Variants in PRPSAP1 observed in about 807,000 individuals in gnomAD.
PRPSAP1 encodes the protein phosphoribosyl pyrophosphate synthetase associated protein 1.
Under a neutral mutation model 39.4 loss-of-function variants are expected in PRPSAP1, and 31 were observed. That is an observed-to-expected ratio of 0.79 (90% CI 0.59 to 1.06). The LOEUF (loss-of-function observed/expected upper bound fraction) is 1.06. Ranked by LOEUF, PRPSAP1 falls within the 50% of genes least tolerant of loss-of-function variation. The probability of loss-of-function intolerance (pLI) is 0.00; values close to 1 mark genes in which losing one functional copy is unlikely to be tolerated. For synonymous variants in PRPSAP1, 212 were observed against 192.6 expected (o/e 1.10, Z -0.83); for missense variants, 430 against 511.6 (o/e 0.84, Z 1.54).
chr17:76,310,980 G>T lies in PRPSAP1; in HGVS notation c.*562C>A, dbSNP rs2071065185. On this transcript the variant is annotated 3_prime_UTR_variant, in exon 10 of 10. Coordinates refer to ENST00000446526, the MANE Select transcript of PRPSAP1 (RefSeq NM_002766.3). ...AACTTCAGAGCCACTCAGATACCCA[G>T]AGGTGGGATGCTATTTTCTAATCTG... The T allele has an allele frequency of 6.6e-6, 1 of 152,190 alleles. No homozygotes were observed. Among genetic ancestry groups the T allele is most frequent in the Non-Finnish European group, 1.5e-5 (1 of 68,050 alleles). The allele number at this position is 152,190 out of a possible 1,614,324, so 9.4% of individuals were successfully genotyped here.
intron 7 of PRPSAP1, among the ~76,000 whole-genome samples, chr17:76,326,253 T>C (rs1477140615): frequency 2.0e-5 from 3 of 152,112 alleles, no homozygotes; most frequent in African/African-American, 4.8e-5. Context: ...GAAGGAATGA[T>C]AGAGTTAGAA....
intron 3 of PRPSAP1, among the ~76,000 whole-genome samples, chr17:76,339,974 A>C (rs1312863276): frequency 6.6e-6 from 1 of 151,502 alleles, no homozygotes; most frequent in East Asian, 1.9e-4. Flanking sequence ...TCTACTAAAA[A>C]TACAAAATTA....
At chr17:76,328,567 C>T (rs2071278620) in intron 7 of PRPSAP1, 150 bp downstream of exon 7, 1 of 1,004,828 alleles carries the variant, frequency 1.0e-6, no homozygotes, top group East Asian at 2.7e-5. Context: ...CAAGATCACG[C>T]CACTGCACTC....
rs2071546391 is a variant in PRPSAP1 at position 76,349,643 on chromosome 17, C to A, written c.171-1062G>T. Among the ~76,000 whole-genome samples, 5 of 151,118 alleles carry A rather than the reference C, an allele frequency of 3.3e-5. No homozygotes were observed. In the South Asian group the frequency reaches 1.0e-3, roughly 32 times the overall value. Reference sequence around the variant, plus strand: ...GGGTGTGGTGGCGAGCGTCTATAATCCCAGCTACTCAGGAGGCTGAGACAG... The same window carrying A: ...GGGTGTGGTGGCGAGCGTCTATAATACCAGCTACTCAGGAGGCTGAGACAG... On this transcript the variant is annotated intron_variant, in intron 1 of 9. Coordinates refer to ENST00000446526, the MANE Select transcript of PRPSAP1 (RefSeq NM_002766.3).
chr17:76,348,973 G>C (rs1047772979), intron 1 of PRPSAP1, among the ~76,000 whole-genome samples: 1 of 152,190 alleles, frequency 6.6e-6, no homozygotes, highest in South Asian at 2.1e-4. Flanking sequence ...ACCAAATGTG[G>C]TGTGGATCTT....
In PRPSAP1 at chr17:76,328,870, G is replaced by C. The variant is rs369144379; in HGVS notation, c.636-8C>G. 1,540 of 1,601,000 alleles carry C rather than the reference G, an allele frequency of 9.6e-4. 2 individuals are homozygous for C. The highest frequency in any genetic ancestry group is 1.3e-3 in the Non-Finnish European group (1,479 of 1,174,406). On this transcript the variant is annotated splice_polypyrimidine_tract_variant and splice_region_variant and intron_variant, in intron 6 of 9. Transcript: ENST00000446526. The stretch of plus-strand genomic sequence containing the variant: ...TCCGCATAGGACTGGGCCCTAGAAG[G>C]ACAAAGGGAAATGGTGAAACTGACA...
chr17:76,324,012 G>A (rs1256856198), intron 7 of PRPSAP1, among the ~76,000 whole-genome samples: 1 of 145,358 alleles, frequency 6.9e-6, no homozygotes, highest in Non-Finnish European at 1.5e-5. Context: ...CGGGTGTGGT[G>A]GCACACATCT....
intron 1 of PRPSAP1, among the ~76,000 whole-genome samples, chr17:76,350,692 A>G (rs547568131): frequency 1.3e-5 from 2 of 152,250 alleles, no homozygotes; most frequent in African/African-American, 4.8e-5. Flanking sequence ...ATGGTTGTGC[A>G]ACACTGTGAA....
intron 2 of PRPSAP1, among the ~76,000 whole-genome samples, chr17:76,346,628 A>T (rs1356980394): frequency 1.3e-5 from 2 of 152,220 alleles, no homozygotes; most frequent in African/African-American, 4.8e-5. Context: ...ACTCTGCCAT[A>T]TTCATTTCAC....
intron 3 of PRPSAP1, among the ~76,000 whole-genome samples, chr17:76,335,186 C>A (rs184625928): frequency 8.5e-5 from 13 of 152,176 alleles, no homozygotes; most frequent in African/African-American, 1.9e-4. Flanking sequence ...TGGGTTCATG[C>A]AATCTTCCCA....
chr17:76,319,688 C>T (rs371035400), intron 7 of PRPSAP1, among the ~76,000 whole-genome samples: 2 of 151,834 alleles, frequency 1.3e-5, no homozygotes, highest in African/African-American at 4.8e-5. Flanking sequence ...AGGCTGACCT[C>T]GTGATTCGCC....
At chr17:76,318,207 T>C (rs1376941361) in intron 7 of PRPSAP1, among the ~76,000 whole-genome samples, 1 of 152,178 alleles carries the variant, frequency 6.6e-6, no homozygotes, top group African/African-American at 2.4e-5. Flanking sequence ...TCCAGCACTT[T>C]TAGAGGCCAA....
intron 2 of PRPSAP1, chr17:76,345,866 C>G: frequency 2.4e-6 from 1 of 418,004 alleles, no homozygotes; most frequent in Non-Finnish European, 4.6e-6. Flanking sequence ...GAAGGGGATG[C>G]TAAGGGAGAT....
chr17:76,339,402 C>T (rs532515273), intron 3 of PRPSAP1, among the ~76,000 whole-genome samples: 1 of 151,788 alleles, frequency 6.6e-6, no homozygotes, highest in Non-Finnish European at 1.5e-5. Context: ...AAGCCTCCGT[C>T]TCAAAAAAAC....
intron 3 of PRPSAP1, among the ~76,000 whole-genome samples, chr17:76,344,040 G>A (rs1389218850): frequency 6.6e-6 from 1 of 151,068 alleles, no homozygotes; most frequent in African/African-American, 2.4e-5. Context: ...TGCCTCCTGG[G>A]TTCAAGCACT....
intron 1 of PRPSAP1, 174 bp downstream of exon 1, chr17:76,353,360 A>G: frequency 1.6e-6 from 1 of 637,948 alleles, no homozygotes; most frequent in Non-Finnish European, 2.4e-6. Context: ...CAGCTGCAAA[A>G]CCGGGGAGCG....
intron 7 of PRPSAP1, chr17:76,319,445 C>G (rs920415842): frequency 2.0e-5 from 3 of 152,082 alleles, no homozygotes; most frequent in African/African-American, 7.2e-5. Context: ...GGCATACAAT[C>G]CAGCACTGCT....
In PRPSAP1 at chr17:76,310,010, G is replaced by A. The variant is rs960527847; in HGVS notation, c.*1532C>T. The A allele has an allele frequency of 2.2e-4, 33 of 148,920 alleles. No individual in the cohort carries two copies. Among genetic ancestry groups the A allele is most frequent in the African/African-American group, 7.9e-4 (31 of 39,318 alleles). The allele number at this position is 148,920 out of a possible 1,614,324, so 9.2% of individuals were successfully genotyped here. A position where few individuals can be genotyped will look rare whatever the true frequency, so the allele number is the denominator to read the frequency against. On this transcript the variant is annotated 3_prime_UTR_variant, in exon 10 of 10. Transcript: ENST00000446526. ...GCAGTCTTTTTTTTTTTTTGAGATG[G>A]AATCTTGCTCTGTCACTTGGGCTGG... is the stretch of plus-strand genomic sequence containing the variant.
chr17:76,330,151 C>T (rs2071305247), intron 5 of PRPSAP1, 53 bp from the exon 6 acceptor site: 12 of 1,477,028 alleles, frequency 8.1e-6, no homozygotes, highest in Non-Finnish European at 1.0e-5. Context: ...AAAATAACAC[C>T]TGGATGCTGG....
Sources: gnomAD v4.1 joint callset for allele counts (sites outside exome capture counted in the v4.1 genomes callset) on GRCh38, gnomAD v4.1.1 for gene constraint, MANE v1.5 for transcripts, NCBI Gene and HGNC (gene_info 2026-07-23, HGNC 2026-07-21) for gene names.